Variants in OSBPL10 observed in about 807,000 individuals in gnomAD.
OSBPL10 encodes oxysterol-binding protein-related protein 10.
OSBPL10 carries 49 observed loss-of-function variants against 81.7 expected under a neutral mutation model. The observed-to-expected ratio is 0.60, with a 90% CI of 0.48 to 0.76. The LOEUF is 0.76. OSBPL10 is among the 30% of genes least tolerant of loss of function. OSBPL10 has a pLI of 0.00. For missense variants in OSBPL10, 923 were observed against 987.8 expected (o/e 0.93, Z 0.88); for synonymous variants, 419 against 383.6 (o/e 1.09, Z -1.08).
At chr3:31,975,758 A>G (rs978664947) in intron 1 of OSBPL10, among the ~76,000 whole-genome samples, 19 of 152,212 alleles carry the variant, frequency 1.2e-4, no homozygotes, top group African/African-American at 4.6e-4. Context: ...CACTGGCTCA[A>G]ATAGAACTAA....
At chr3:31,935,712 C>T (rs1013051941) in intron 1 of OSBPL10, among the ~76,000 whole-genome samples, 1 of 151,788 alleles carries the variant, frequency 6.6e-6, no homozygotes, top group Non-Finnish European at 1.5e-5. Flanking sequence ...TTAGTAGAGA[C>T]GGGGTTTCAC....
At chr3:31,678,818 GTGTGTGTGTGTGTA>G in intron 8 of OSBPL10, among the ~76,000 whole-genome samples, 1 of 145,590 alleles carries the variant, frequency 6.9e-6, no homozygotes, top group African/African-American at 2.5e-5. Context: ...GTGTGTGTGT[GTGTGTGTGTGTGTA>G]GGAGGGAAGA....
At chr3:31,927,966 A>C (rs992336927) in intron 1 of OSBPL10, among the ~76,000 whole-genome samples, 2 of 152,176 alleles carry the variant, frequency 1.3e-5, no homozygotes, top group Non-Finnish European at 2.9e-5. Flanking sequence ...AAGGAGTAAG[A>C]AATAAAAAAG....
chr3:31,842,941 T>C (rs1174459258), intron 3 of OSBPL10, among the ~76,000 whole-genome samples: 1 of 152,176 alleles, frequency 6.6e-6, no homozygotes, highest in Non-Finnish European at 1.5e-5. Flanking sequence ...AAACTTTGAT[T>C]TAGGTTTAGA....
chr3:31,748,119 A>T lies in OSBPL10; in HGVS notation c.731T>A (p.Met244Lys), dbSNP rs1219672621. 1.2e-6 allele frequency: 2 copies of T among 1,611,030 alleles called. No homozygotes were observed. Among genetic ancestry groups the T allele is most frequent in the South Asian group, 2.2e-5 (2 of 90,658 alleles). ...CTGCTGCCCTTCCACCTGGTTCATC[A>T]TCTACAAAACAAGAAGACAGTAAGG... is the stretch of plus-strand genomic sequence containing the variant. ...YSGQLHEVRE[M>K]MNQVEGQQKN... is the part of the protein sequence containing the mutation. The change falls in exon 5 of 12, where the codon ATG (methionine) becomes AAG (lysine). Residue 244 changes from methionine to lysine, a missense_variant and splice_region_variant. Around this residue, in one of 3 missense-constraint regions of OSBPL10, gnomAD observed 514 missense variants for 508.0 expected, o/e 1.01. Transcript: ENST00000396556.
chr3:31,829,751 T>C (rs763915254), intron 4 of OSBPL10, among the ~76,000 whole-genome samples: 2 of 152,252 alleles, frequency 1.3e-5, no homozygotes, highest in Non-Finnish European at 2.9e-5. Context: ...GTCTTTGCTA[T>C]GAGCGTGGAT....
chr3:31,792,191 T>C (rs1176708587), intron 4 of OSBPL10, among the ~76,000 whole-genome samples: 2 of 150,366 alleles, frequency 1.3e-5, no homozygotes, highest in African/African-American at 5.0e-5. Flanking sequence ...ATCACACCAC[T>C]GCACTCCAGC....
intron 1 of OSBPL10, among the ~76,000 whole-genome samples, chr3:31,961,047 C>CTT (rs35027814): frequency 8.8e-6 from 1 of 113,020 alleles, no homozygotes; most frequent in Non-Finnish European, 1.8e-5. Context: ...AAGCTACAGC[C>CTT]TTTTTTTTTT....
At chr3:31,805,826 T>C (rs1699508573) in intron 4 of OSBPL10, among the ~76,000 whole-genome samples, 1 of 152,196 alleles carries the variant, frequency 6.6e-6, no homozygotes, top group African/African-American at 2.4e-5. Flanking sequence ...GAAGAACAGC[T>C]CTTCCCCAAG....
rs537935304 is a variant in OSBPL10, at chr3:31,744,939, T to A, written c.940+2971A>T. 1.6e-4 allele frequency among the ~76,000 whole-genome samples: 24 copies of A among 152,270 alleles called. No homozygotes were observed. The South Asian group carries it at 4.8e-3, about 30-fold the overall frequency. On this transcript the variant is annotated intron_variant, in intron 5 of 11. Coordinates refer to ENST00000396556, the MANE Select transcript of OSBPL10 (RefSeq NM_017784.5). ...ACATTGCAGAAGCTGCAAGTTACAATATAGGGCAAAAGAGACCACAGAAAC... is the reference window on the plus strand; with the variant it reads ...ACATTGCAGAAGCTGCAAGTTACAAAATAGGGCAAAAGAGACCACAGAAAC...
chr3:31,966,391 T>C (rs1284448383), intron 1 of OSBPL10, among the ~76,000 whole-genome samples: 1 of 151,310 alleles, frequency 6.6e-6, no homozygotes, highest in Non-Finnish European at 1.5e-5. Context: ...AGCATCTGCC[T>C]TAGGAAACTA....
intron 11 of OSBPL10, chr3:31,662,360 T>TG: frequency 7.9e-7 from 1 of 1,263,910 alleles, no homozygotes. Flanking sequence ...AAGGGGAGCT[T>TG]GGTTGGCTTC....
intron 5 of OSBPL10, among the ~76,000 whole-genome samples, chr3:31,746,407 G>T (rs1169450263): frequency 6.6e-6 from 1 of 152,124 alleles, no homozygotes; most frequent in Non-Finnish European, 1.5e-5. Context: ...CTTAAAAACA[G>T]AATGCTGAGG....
At chr3:31,712,742 G>A (rs1489147287) in intron 6 of OSBPL10, among the ~76,000 whole-genome samples, 5 of 152,170 alleles carry the variant, frequency 3.3e-5, no homozygotes, top group Non-Finnish European at 5.9e-5. Context: ...TCAATAAGTC[G>A]ATGATCATTT....
intron 3 of OSBPL10, among the ~76,000 whole-genome samples, chr3:31,831,406 C>G (rs75185830): frequency 9.2e-6 from 1 of 109,044 alleles, no homozygotes; most frequent in Non-Finnish European, 1.9e-5. Context: ...AACTCCGTCT[C>G]AAAAAAAAAA....
Position 31,702,468 on chromosome 3 carries a change from T to C in OSBPL10, c.1136A>G (p.Lys379Arg). The stretch of plus-strand genomic sequence containing the variant: ...CTCTTCCTTATCTTCATTGTCACTT[T>C]TTTCATCTTCAGACAAAACCAATTC... ...GSELVLSEDE[K>R]SDNEDKEETE... The change falls in exon 7 of 12, where the codon AAA becomes AGA. Residue 379 changes from lysine to arginine, a missense_variant. By Grantham distance (26) the Lys-to-Arg change is conservative (BLOSUM62 2). This residue lies in a region of OSBPL10 where 514 missense variants were observed against 508.0 expected (regional missense o/e 1.01). Transcript: ENST00000396556. 6.2e-7 allele frequency: 1 copy of C among 1,614,244 alleles called. No homozygotes were observed. Among genetic ancestry groups the C allele is most frequent in the Non-Finnish European group, 8.5e-7 (1 of 1,180,038 alleles).
At chr3:31,894,943 C>T (rs573191827) in intron 1 of OSBPL10, among the ~76,000 whole-genome samples, 1 of 152,294 alleles carries the variant, frequency 6.6e-6, no homozygotes, top group African/African-American at 2.4e-5. Flanking sequence ...CCTCCCTCCT[C>T]CACTTGCTTT....
At chr3:31,851,226 TTA>T (rs1381910310) in intron 3 of OSBPL10, among the ~76,000 whole-genome samples, 1 of 152,176 alleles carries the variant, frequency 6.6e-6, no homozygotes, top group African/African-American at 2.4e-5. Flanking sequence ...AAGAAAATAT[TTA>T]TAGTTTCATA....
At chr3:31,735,846 T>C (rs1454322797) in intron 5 of OSBPL10, among the ~76,000 whole-genome samples, 1 of 152,170 alleles carries the variant, frequency 6.6e-6, no homozygotes, top group Non-Finnish European at 1.5e-5. Context: ...CTGAACTCAC[T>C]AGCACACTCA....
Sources: gnomAD v4.1 joint callset for allele counts (sites outside exome capture counted in the v4.1 genomes callset) on GRCh38, gnomAD v4.1.1 for gene constraint, gnomAD v4.1.1 regional missense constraint, MANE v1.5 for transcripts, NCBI Gene and HGNC (gene_info 2026-07-23, HGNC 2026-07-21) for gene names.